Variants in CCDC141 observed in about 807,000 individuals in gnomAD.
CCDC141 encodes the protein coiled-coil domain-containing protein 141.
A neutral mutation model predicts 181.0 loss-of-function variants in CCDC141; 168 were observed. That is an observed-to-expected ratio of 0.93 (90% CI 0.82 to 1.05). The LOEUF (loss-of-function observed/expected upper bound fraction) is 1.05. CCDC141 is among the 50% of genes least tolerant of loss of function. The pLI is 0.00. For missense variants in CCDC141, 1,902 were observed against 1,788.5 expected (o/e 1.06, Z -1.14); for synonymous variants, 666 against 642.3 (o/e 1.04, Z -0.56).
At chr2:179,000,188 G>C (rs35983866) in intron 2 of CCDC141, among the ~76,000 whole-genome samples, 23,791 of 151,568 alleles carry the variant, frequency 0.16, 1,968 homozygotes, top group Middle Eastern at 0.26. Context: ...TGGCCTGTAA[G>C]GTAAGAATGG....
chr2:178,892,672 C>T (rs962509185), intron 8 of CCDC141, among the ~76,000 whole-genome samples: 3 of 152,130 alleles, frequency 2.0e-5, no homozygotes, highest in Admixed American at 6.6e-5. Context: ...AGCACCTGAA[C>T]GGCAGGTGGT....
intron 7 of CCDC141, among the ~76,000 whole-genome samples, chr2:178,912,352 T>C (rs564684342): frequency 2.6e-5 from 4 of 152,268 alleles, no homozygotes; most frequent in Non-Finnish European, 5.9e-5. Context: ...TATTCATGAG[T>C]GAGGACAATA....
At chr2:178,863,743 T>A (rs1281321181) in intron 17 of CCDC141, among the ~76,000 whole-genome samples, 1 of 152,196 alleles carries the variant, frequency 6.6e-6, no homozygotes. Flanking sequence ...CAGAGGTCAT[T>A]TAAATGTGAA....
At chr2:178,955,710 G>C (rs1431942900) in intron 5 of CCDC141, among the ~76,000 whole-genome samples, 1 of 152,022 alleles carries the variant, frequency 6.6e-6, no homozygotes, top group Admixed American at 6.6e-5. Context: ...CTAGAAGGTG[G>C]CAGTATGCCA....
intron 16 of CCDC141, among the ~76,000 whole-genome samples, chr2:178,866,829 G>A (rs973199554): frequency 2.6e-5 from 4 of 152,044 alleles, no homozygotes; most frequent in Admixed American, 6.6e-5. Flanking sequence ...GGGTTCAAGC[G>A]ATTCTTCTGC....
At chr2:178,848,790 A>G (rs1575125286) in intron 21 of CCDC141, among the ~76,000 whole-genome samples, 1 of 152,130 alleles carries the variant, frequency 6.6e-6, no homozygotes, top group Admixed American at 6.6e-5. Flanking sequence ...GGAGGTGGGG[A>G]GGAAAGAATA....
At chr2:178,953,846 C>G (rs1172524453) in intron 5 of CCDC141, among the ~76,000 whole-genome samples, 1 of 152,170 alleles carries the variant, frequency 6.6e-6, no homozygotes, top group African/African-American at 2.4e-5. Context: ...CTCACATGTG[C>G]CTGTATGGGT....
At chr2:178,947,452 T>C (rs954140575) in intron 5 of CCDC141, among the ~76,000 whole-genome samples, 3 of 152,162 alleles carry the variant, frequency 2.0e-5, no homozygotes, top group Non-Finnish European at 4.4e-5. Context: ...AGGGGTTAAT[T>C]AGAATATTTT....
chr2:179,008,499 A>T (rs746574801), intron 2 of CCDC141, among the ~76,000 whole-genome samples: 3 of 152,118 alleles, frequency 2.0e-5, no homozygotes, highest in African/African-American at 4.8e-5. Flanking sequence ...CTCAAACCTC[A>T]CTCAGTGAAC....
At chr2:178,988,399 G>C (rs1691861852) in intron 2 of CCDC141, among the ~76,000 whole-genome samples, 1 of 151,324 alleles carries the variant, frequency 6.6e-6, no homozygotes, top group Non-Finnish European at 1.5e-5. Context: ...CAGCACACCA[G>C]CATGGCACAT....
chr2:178,843,193 G>A (rs1182653906), intron 22 of CCDC141, among the ~76,000 whole-genome samples: 1 of 152,208 alleles, frequency 6.6e-6, no homozygotes, highest in South Asian at 2.1e-4. Flanking sequence ...GGTCTTGCGG[G>A]AAAAGTGTAT....
chr2:179,048,172 G>A (rs376760972), intron 1 of CCDC141, among the ~76,000 whole-genome samples: 6 of 152,122 alleles, frequency 3.9e-5, no homozygotes, highest in African/African-American at 4.8e-5. Context: ...ACACGCATAC[G>A]CATGTAGATA....
chr2:178,836,812 C>T (rs1684493220), intron 23 of CCDC141, 82 bp downstream of exon 23: 1 of 1,465,692 alleles, frequency 6.8e-7, no homozygotes, highest in Non-Finnish European at 9.2e-7. Flanking sequence ...AGCCCTAAAC[C>T]TTTCAGTTAG....
intron 6 of CCDC141, among the ~76,000 whole-genome samples, chr2:178,920,583 C>A (rs973265649): frequency 1.1e-4 from 16 of 152,060 alleles, no homozygotes; most frequent in African/African-American, 3.9e-4. Context: ...ATTAGCTGGG[C>A]ATAGTGGCGC....
chr2:178,935,742 TTGCTC>T (rs1689260278), intron 6 of CCDC141, among the ~76,000 whole-genome samples: 1 of 152,148 alleles, frequency 6.6e-6, no homozygotes, highest in Admixed American at 6.6e-5. Context: ...AGTGTTCCCT[TTGCTC>T]TGCAACTTCA....
At chr2:179,017,827 T>A (rs934352271) in intron 2 of CCDC141, among the ~76,000 whole-genome samples, 3 of 152,116 alleles carry the variant, frequency 2.0e-5, no homozygotes. Flanking sequence ...AAGCAGACTT[T>A]GTGTTGACGA....
At chr2:179,040,171 G>A (rs762761764) in intron 2 of CCDC141, among the ~76,000 whole-genome samples, 1 of 152,100 alleles carries the variant, frequency 6.6e-6, no homozygotes, top group Admixed American at 6.5e-5. Flanking sequence ...AGGGAGACTG[G>A]CACATTGTGG....
chr2:178,966,793 C>T (rs1301135601), intron 4 of CCDC141, among the ~76,000 whole-genome samples: 1 of 151,824 alleles, frequency 6.6e-6, no homozygotes, highest in East Asian at 1.9e-4. Context: ...TAGGTAATAA[C>T]AAACTGCTCC....
intron 2 of CCDC141, among the ~76,000 whole-genome samples, chr2:178,988,757 T>C (rs554387170): frequency 2.5e-4 from 38 of 152,222 alleles, no homozygotes; most frequent in Non-Finnish European, 4.3e-4. Flanking sequence ...CTTCAAAACT[T>C]ACTACAAAGC....
Sources: allele counts gnomAD v4.1 joint callset (sites outside exome capture counted in the v4.1 genomes callset), GRCh38; gene constraint gnomAD v4.1.1; transcripts MANE v1.5; gene names NCBI Gene and HGNC (gene_info 2026-07-23, HGNC 2026-07-21).